GARIN1A: variants seen among roughly 807,000 people sequenced by gnomAD.
GARIN1A encodes the protein golgi associated RAB2 interactor 1A, also known as Golgi-associated RAB2 interactor protein 1A.
the GARIN1A span, among the ~76,000 whole-genome samples, chr7:128,695,508 G>A: frequency 6.6e-6 from 1 of 152,098 alleles, no homozygotes; most frequent in Non-Finnish European, 1.5e-5. The surrounding 1 kb of genome is among the most constrained non-coding windows in gnomAD (Gnocchi z 4.5). Context: ...TTACACCACT[G>A]CCCAAGTCCA....
chr7:128,689,727 G>A, the GARIN1A span, among the ~76,000 whole-genome samples: 2 of 150,508 alleles, frequency 1.3e-5, 1 homozygote, highest in Non-Finnish European at 3.0e-5. Context: ...CAGCCACCCC[G>A]TCCGGGAGGG....
chr7:128,675,063 C>T, the GARIN1A span, among the ~76,000 whole-genome samples: 1 of 152,170 alleles, frequency 6.6e-6, no homozygotes, highest in African/African-American at 2.4e-5. Flanking sequence ...TTTCTGCCAG[C>T]CGTGCACAGT....
the GARIN1A span, among the ~76,000 whole-genome samples, chr7:128,698,848 AAG>A: frequency 1.3e-5 from 2 of 152,096 alleles, no homozygotes; most frequent in South Asian, 4.2e-4. Flanking sequence ...CAGTCTCTCA[AAG>A]TGTTGGGATT....
the GARIN1A span, among the ~76,000 whole-genome samples, chr7:128,679,006 T>TTATGTAACGATTGTTACATATATACG: frequency 0.13 from 20,018 of 148,726 alleles, 1,641 homozygotes; most frequent in African/African-American, 0.2. Flanking sequence ...ACATATATAC[T>TTATGTAACGATTGTTACATATATACG]TATGTAACGA....
chr7:128,689,040 T>G, the GARIN1A span, among the ~76,000 whole-genome samples: 1 of 151,694 alleles, frequency 6.6e-6, no homozygotes, highest in East Asian at 1.9e-4. Context: ...TAACCTCGAG[T>G]GATCCGCCAG....
chr7:128,682,687 C>T, the GARIN1A span, among the ~76,000 whole-genome samples: 1 of 152,176 alleles, frequency 6.6e-6, no homozygotes, highest in Admixed American at 6.5e-5. Context: ...AAGCAATTCT[C>T]ATGCCTCAGC....
chr7:128,704,308 CTTTT>C, the GARIN1A span, among the ~76,000 whole-genome samples: 1 of 137,228 alleles, frequency 7.3e-6, no homozygotes, highest in Admixed American at 7.3e-5. Context: ...TTAGAGTAAC[CTTTT>C]TTTTTTTTTT....
At chr7:128,689,879 T>G in the GARIN1A span, among the ~76,000 whole-genome samples, 1 of 151,420 alleles carries the variant, frequency 6.6e-6, no homozygotes. Context: ...GGAGCCCCTC[T>G]GCCCGGCCAC....
the GARIN1A span, chr7:128,675,836 C>T: frequency 5.5e-5 from 89 of 1,612,938 alleles, 1 homozygote; most frequent in East Asian, 9.8e-4. Context: ...CACCTGGTGA[C>T]GCCCCAGTCA....
chr7:128,683,163 C>G, the GARIN1A span: 1 of 1,600,694 alleles, frequency 6.2e-7, no homozygotes, highest in Non-Finnish European at 8.5e-7. Flanking sequence ...AGCCTGACAC[C>G]TAGGCAAAAC....
chr7:128,678,942 AT>A, the GARIN1A span, among the ~76,000 whole-genome samples: 1 of 151,836 alleles, frequency 6.6e-6, no homozygotes, highest in Non-Finnish European at 1.5e-5. Flanking sequence ...GCATACATAT[AT>A]ACATATGTAA....
chr7:128,680,299 T>A, the GARIN1A span: 9 of 473,392 alleles, frequency 1.9e-5, no homozygotes, highest in African/African-American at 1.8e-4. Flanking sequence ...TAAGCCTGCC[T>A]TTGAAAACAA....
At chr7:128,688,213 G>GT in the GARIN1A span, among the ~76,000 whole-genome samples, 1 of 151,910 alleles carries the variant, frequency 6.6e-6, no homozygotes, top group Non-Finnish European at 1.5e-5. Context: ...GGTTTCACTA[G>GT]GTTGGCCAGG....
At chr7:128,699,919 C>A in the GARIN1A span, among the ~76,000 whole-genome samples, 1 of 151,762 alleles carries the variant, frequency 6.6e-6, no homozygotes, top group Non-Finnish European at 1.5e-5. Context: ...TTTTATGTTC[C>A]TGGTGAATTG....
chr7:128,696,828 C>T, the GARIN1A span, among the ~76,000 whole-genome samples: 21 of 152,184 alleles, frequency 1.4e-4, 1 homozygote, highest in East Asian at 1.9e-3. Context: ...GGAAGCCCTA[C>T]AGAGAATAAA....
the GARIN1A span, chr7:128,675,649 C>G: frequency 6.2e-7 from 1 of 1,611,744 alleles, no homozygotes; most frequent in South Asian, 1.1e-5. Flanking sequence ...TCCTTTCTGA[C>G]CCATGTACCT....
At chr7:128,672,648 G>GGT in the GARIN1A span, 1 of 709,210 alleles carries the variant, frequency 1.4e-6, no homozygotes, top group Non-Finnish European at 2.2e-6. Context: ...AGCCCTGGGG[G>GGT]AGGGGGGGGC....
At chr7:128,701,372 GA>G in the GARIN1A span, among the ~76,000 whole-genome samples, 1 of 33,904 alleles carries the variant, frequency 2.9e-5, no homozygotes, top group Non-Finnish European at 5.8e-5. Flanking sequence ...GAGGGGAGGG[GA>G]AGGGGAGGGA....
the GARIN1A span, among the ~76,000 whole-genome samples, chr7:128,682,473 A>G: frequency 5.3e-5 from 8 of 152,318 alleles, no homozygotes; most frequent in African/African-American, 1.9e-4. Flanking sequence ...TGCCCTTAAC[A>G]TTATTGCATG....
Sources: allele counts gnomAD v4.1 joint callset (sites outside exome capture counted in the v4.1 genomes callset), GRCh38; gene constraint gnomAD v4.1.1; non-coding constraint Gnocchi (gnomAD v3.1); transcripts MANE v1.5; gene names NCBI Gene and HGNC (gene_info 2026-07-23, HGNC 2026-07-21).